Variants in CTNNA3 observed in about 807,000 individuals in gnomAD.
CTNNA3 encodes catenin alpha 3.
A neutral mutation model predicts 95.7 loss-of-function variants in CTNNA3; 76 were observed. The observed-to-expected ratio is 0.79, with a 90% confidence interval of 0.66 to 0.96. The LOEUF is 0.96. Ranked by LOEUF, CTNNA3 falls within the 40% of genes least tolerant of loss-of-function variation. CTNNA3 has a pLI of 0.00. For missense variants in CTNNA3, 1,191 were observed against 1,089.8 expected (o/e 1.09, Z -1.31); for synonymous variants, 431 against 374.4 (o/e 1.15, Z -1.74).
At chr10:67,532,933 T>G (rs1449680800) in intron 4 of CTNNA3, among the ~76,000 whole-genome samples, 1 of 152,182 alleles carries the variant, frequency 6.6e-6, no homozygotes, top group Admixed American at 6.5e-5. Flanking sequence ...AAGGTCTCCA[T>G]GCTGCCAAAA....
At chr10:66,671,528 G>T (rs986058335) in intron 9 of CTNNA3, among the ~76,000 whole-genome samples, 2 of 152,154 alleles carry the variant, frequency 1.3e-5, no homozygotes, top group African/African-American at 4.8e-5. Context: ...TTGAAAGAAT[G>T]AAAATGGCCG....
chr10:66,291,687 C>G (rs578039905), intron 12 of CTNNA3, among the ~76,000 whole-genome samples: 1 of 151,506 alleles, frequency 6.6e-6, no homozygotes, highest in Non-Finnish European at 1.5e-5. Context: ...ATTTGATGTT[C>G]CACAAAGGGA....
intron 7 of CTNNA3, among the ~76,000 whole-genome samples, chr10:67,113,191 A>C (rs1341581374): frequency 6.6e-6 from 1 of 152,218 alleles, no homozygotes; most frequent in Admixed American, 6.5e-5. Context: ...GAGAAGTAAA[A>C]GGTAGAAATG....
chr10:67,363,633 A>T (rs1455677944), intron 5 of CTNNA3, among the ~76,000 whole-genome samples: 1 of 152,090 alleles, frequency 6.6e-6, no homozygotes, highest in South Asian at 2.1e-4. Context: ...ATATAATAAT[A>T]AAGGGAATAT....
chr10:66,361,325 TCCTC>T (rs1293370938), intron 12 of CTNNA3, among the ~76,000 whole-genome samples: 4 of 109,296 alleles, frequency 3.7e-5, no homozygotes, highest in South Asian at 3.7e-4. Context: ...CCCCTCCCCT[TCCTC>T]CCTCCCTCCC....
In CTNNA3 at chr10:66,363,086, G is replaced by A. The variant is rs553912951; in HGVS notation, c.1732+16066C>T. On this transcript the variant is annotated intron_variant, in intron 12 of 17. Coordinates refer to ENST00000433211, the MANE Select transcript of CTNNA3 (RefSeq NM_013266.4). ...GTATTCCTTAAGCATGTGTAATAGCGATACACTTCAACAACAGAATGAAGC... is the reference window on the plus strand; with the variant it reads ...GTATTCCTTAAGCATGTGTAATAGCAATACACTTCAACAACAGAATGAAGC... Among the ~76,000 whole-genome samples, 3 of 152,200 alleles carry A rather than the reference G, an allele frequency of 2.0e-5. No individual in the cohort carries two copies. The East Asian group carries it at 5.8e-4, about 29-fold the overall frequency.
intron 5 of CTNNA3, among the ~76,000 whole-genome samples, chr10:67,282,877 G>T (rs1003991275): frequency 6.6e-6 from 1 of 152,176 alleles, no homozygotes; most frequent in Non-Finnish European, 1.5e-5. Flanking sequence ...CGCAAGGCTA[G>T]CCATGAAAAC....
chr10:67,378,601 A>T (rs941188112), intron 5 of CTNNA3, among the ~76,000 whole-genome samples: 1 of 151,946 alleles, frequency 6.6e-6, no homozygotes, highest in Non-Finnish European at 1.5e-5. Flanking sequence ...GTTCTTTCAT[A>T]ACCTTGACAT....
intron 15 of CTNNA3, among the ~76,000 whole-genome samples, chr10:66,024,121 G>A (rs1179450934): frequency 2.3e-5 from 2 of 85,622 alleles, no homozygotes; most frequent in Non-Finnish European, 4.6e-5. Flanking sequence ...ACGGAGTCTC[G>A]CTCTGTCGCC....
intron 12 of CTNNA3, among the ~76,000 whole-genome samples, chr10:66,283,410 G>A (rs1255265140): frequency 6.6e-6 from 1 of 151,650 alleles, no homozygotes; most frequent in Non-Finnish European, 1.5e-5. Flanking sequence ...TGCTATTATT[G>A]ATACAGTTCC....
intron 1 of CTNNA3, among the ~76,000 whole-genome samples, chr10:67,671,052 C>T (rs545661530): frequency 1.3e-5 from 2 of 152,228 alleles, no homozygotes; most frequent in South Asian, 4.1e-4. Flanking sequence ...TTTGCTCACT[C>T]AGCACATAGT....
intron 1 of CTNNA3, among the ~76,000 whole-genome samples, chr10:67,746,484 T>C (rs1471027252): frequency 2.6e-5 from 4 of 151,878 alleles, no homozygotes; most frequent in African/African-American, 7.3e-5. Flanking sequence ...CCTGCATCAT[T>C]AACCAAGGTA....
At chr10:66,301,860 A>C (rs572987212) in intron 12 of CTNNA3, among the ~76,000 whole-genome samples, 20 of 152,188 alleles carry the variant, frequency 1.3e-4, no homozygotes, top group African/African-American at 4.8e-4. Context: ...CAATAAAAGG[A>C]AATAAAAACC....
rs1564896417 is a variant in CTNNA3 at position 66,360,674 on chromosome 10, C to CTTTCTTTCTTTCTTTCTTT, written c.1732+18477_1732+18478insAAAGAAAGAAAGAAAGAAA. ...TTCTTTCTTTCTTCCTTCCTTCCTTCCTTCCTTCCTTCCTTCCTTTTCTTT... is the reference window on the plus strand; with the variant it reads ...TTCTTTCTTTCTTCCTTCCTTCCTTCTTTCTTTCTTTCTTTCTTTCTTCCTTCCTTCCTTCCTTTTCTTT... On this transcript the variant is annotated intron_variant, in intron 12 of 17. Transcript: ENST00000433211. Among the ~76,000 whole-genome samples the CTTTCTTTCTTTCTTTCTTT allele has an allele frequency of 2.9e-3, 220 of 75,808 alleles. 4 individuals are homozygous for CTTTCTTTCTTTCTTTCTTT. Among genetic ancestry groups the CTTTCTTTCTTTCTTTCTTT allele is most frequent in the Non-Finnish European group, 5.5e-3 (183 of 33,394 alleles). 49.7% of individuals were successfully genotyped at this position (75,808 alleles called of 152,430 possible).
chr10:66,435,707 T>C (rs1439087222), intron 11 of CTNNA3, among the ~76,000 whole-genome samples: 1 of 152,212 alleles, frequency 6.6e-6, no homozygotes, highest in African/African-American at 2.4e-5. Flanking sequence ...TAGTTATTTC[T>C]TGTCTCCTGT....
In CTNNA3 at chr10:67,559,449, A is replaced by C. The variant is rs1471649502; in HGVS notation, c.293-19780T>G. Among the ~76,000 whole-genome samples, 6 of 152,312 alleles carry C rather than the reference A, an allele frequency of 3.9e-5. No homozygotes were observed. The South Asian group carries it at 1.0e-3, about 26-fold the overall frequency. ...AGGGTCCTGTCTGTTAGAAGGAAAA[A>C]TAACAAACAGAAAGGACATCCACAC... is the stretch of plus-strand genomic sequence containing the variant. On this transcript the variant is annotated intron_variant, in intron 3 of 17. Coordinates refer to ENST00000433211, the MANE Select transcript of CTNNA3 (RefSeq NM_013266.4).
At chr10:66,734,883 A>AG (rs2132676574) in intron 9 of CTNNA3, among the ~76,000 whole-genome samples, 1 of 151,888 alleles carries the variant, frequency 6.6e-6, no homozygotes, top group African/African-American at 2.4e-5. Context: ...AAAAAAAAAA[A>AG]AAAAAGAAAT....
chr10:66,203,869 T>C (rs2087591044), intron 13 of CTNNA3, among the ~76,000 whole-genome samples: 1 of 152,128 alleles, frequency 6.6e-6, no homozygotes, highest in Non-Finnish European at 1.5e-5. Flanking sequence ...GAATGTTATT[T>C]TATATTCATA....
chr10:67,101,190 A>G (rs1396387700), intron 7 of CTNNA3, among the ~76,000 whole-genome samples: 1 of 151,698 alleles, frequency 6.6e-6, no homozygotes, highest in Non-Finnish European at 1.5e-5. Flanking sequence ...CCCGAGGTAC[A>G]GACATAAAAT....
Sources: gnomAD v4.1 joint callset for allele counts (sites outside exome capture counted in the v4.1 genomes callset) on GRCh38, gnomAD v4.1.1 for gene constraint, MANE v1.5 for transcripts, NCBI Gene and HGNC (gene_info 2026-07-23, HGNC 2026-07-21) for gene names.